The following SIRT6 variants were observed in gnomAD, a reference collection of about 807,000 sequenced individuals.
The protein encoded by SIRT6 is sirtuin 6.
In SIRT6, 21 loss-of-function variants were observed where a neutral mutation model predicts 33.6. The observed-to-expected ratio is 0.62, with a 90% CI of 0.44 to 0.90. The LOEUF (loss-of-function observed/expected upper bound fraction) is 0.90. SIRT6 is among the 40% of genes least tolerant of loss of function. The pLI is 0.00. For missense variants in SIRT6, 504 were observed against 510.6 expected (o/e 0.99, Z 0.12); for synonymous variants, 221 against 223.9 (o/e 0.99, Z 0.12).
At chr19:4,175,583 G>T in intron 6 of SIRT6, 97 bp downstream of exon 6, 1 of 1,252,042 alleles carries the variant, frequency 8.0e-7, no homozygotes, top group Non-Finnish European at 1.1e-6. Context: ...CTCACTGCCT[G>T]TGAGCCTCAG....
At chr19:4,175,539 C>G in intron 6 of SIRT6, 141 bp downstream of exon 6, 1 of 789,790 alleles carries the variant, frequency 1.3e-6, no homozygotes, top group Non-Finnish European at 2.0e-6. Flanking sequence ...GTGTGCAGCC[C>G]CTGGCCTGGC....
intron 1 of SIRT6, among the ~76,000 whole-genome samples, chr19:4,181,654 G>A (rs965501146): frequency 2.0e-5 from 3 of 152,274 alleles, no homozygotes; most frequent in South Asian, 2.1e-4. Context: ...AGGCGTGGTG[G>A]CAGGTGCCTG....
intron 1 of SIRT6, chr19:4,182,261 C>A: frequency 1.9e-6 from 1 of 533,138 alleles, no homozygotes; most frequent in East Asian, 3.4e-5. Context: ...CCCCTCTCTC[C>A]CCGATCAGCC....
At chr19:4,178,249 A>C (rs1269770469) in intron 3 of SIRT6, among the ~76,000 whole-genome samples, 2 of 129,456 alleles carry the variant, frequency 1.5e-5, no homozygotes, top group South Asian at 2.5e-4. Context: ...CTGGTCTCGA[A>C]CTCTTGACCT....
intron 1 of SIRT6, 30 bp from the exon 2 acceptor site, chr19:4,180,939 C>G (rs199802692): frequency 5.1e-6 from 8 of 1,575,998 alleles, no homozygotes; most frequent in South Asian, 1.2e-5. Flanking sequence ...ACGGAGGGGT[C>G]AAAACAGTTC....
At position 4,175,882 on chromosome 19, in the gene SIRT6, G is replaced by T. The variant is rs1378614786; in HGVS notation, c.493C>A (p.Leu165Ile). Residue 165 changes from leucine to isoleucine, a missense_variant, in exon 5 of 8, where the codon CTC (leucine) becomes ATC (isoleucine). By Grantham distance (5) the Leu-to-Ile change is conservative. Coordinates refer to ENST00000337491, the MANE Select transcript of SIRT6 (RefSeq NM_016539.4). ...GTMGLKATGRLCTVAKARGLR... is the reference protein window; with the variant it reads ...GTMGLKATGRICTVAKARGLR... ...CCCCTTGCCTTAGCCACGGTGCAGA[G>T]CCGGCCCGTGGCCTTCAGGCCCATG... The T allele has an allele frequency of 6.4e-7, 1 of 1,567,658 alleles. No individual in the cohort carries two copies. Among genetic ancestry groups the T allele is most frequent in the South Asian group, 1.2e-5 (1 of 85,302 alleles).
Position 4,180,845 on chromosome 19 carries a change from G to C in SIRT6, c.131C>G (p.Ser44Cys). ...ACCCGTGTGGAACACCACACTGGAA[G>C]ACTGCCAGACCAGCCTCGCCAGTTC... The part of the protein sequence containing the change: ...VWELARLVWQ[S>C]SSVVFHTGAG... The change falls in exon 2 of 8, where the codon TCT becomes TGT. Residue 44 changes from serine to cysteine, a missense_variant. Physicochemically the swap from Ser to Cys is moderately radical, Grantham distance 112. Transcript: ENST00000337491. 6.2e-7 allele frequency: 1 copy of C among 1,613,748 alleles called. No homozygotes were observed. The highest frequency in any genetic ancestry group is 1.3e-5 in the African/African-American group (1 of 75,044).
At chr19:4,181,697 C>A (rs1967682115) in intron 1 of SIRT6, among the ~76,000 whole-genome samples, 1 of 152,138 alleles carries the variant, frequency 6.6e-6, no homozygotes, top group East Asian at 1.9e-4. Context: ...GAGGCTGAGG[C>A]AGGAGAATCG....
At chr19:4,180,505 C>T (rs540429435) in intron 2 of SIRT6, 1 of 258,870 alleles carries the variant, frequency 3.9e-6, no homozygotes, top group East Asian at 7.8e-5. Flanking sequence ...CTCAGCCTCC[C>T]GAGTAGCTGG....
rs1221780546 is a variant in SIRT6 at position 4,180,424 on chromosome 19, C to T, written c.194+358G>A. ...TTTTAGACGGAGCCTCACTCTGTCG[C>T]CCAGGCTGGAGTGCAGTGGTGCAAT... On this transcript the variant is annotated intron_variant, in intron 2 of 7. Coordinates refer to ENST00000337491, the MANE Select transcript of SIRT6 (RefSeq NM_016539.4). Among the ~76,000 whole-genome samples the T allele has an allele frequency of 5.3e-5, 8 of 152,242 alleles. No homozygotes were observed. In the East Asian group the frequency reaches 1.5e-3, roughly 29 times the overall value.
rs745356492 is a variant in SIRT6, at chr19:4,174,853, C to A, written c.832G>T (p.Gly278Cys). The change falls in exon 8 of 8, where the codon GGC becomes TGC. Residue 278 changes from glycine (G) to cysteine (C), a missense_variant. By Grantham distance (159) the Gly-to-Cys change is radical (BLOSUM62 -3). Coordinates refer to ENST00000337491, the MANE Select transcript of SIRT6 (RefSeq NM_016539.4). This position sits in a 1 kb window ranked among gnomAD's most constrained non-coding sequence, Gnocchi z 4.2. ...HLGLEIPAWD[G>C]PRVLERALPP... is the part of the protein sequence containing the mutation. ...AGCGCCCTCTCCAGCACACGGGGGC[C>A]GTCCCAGGCGGGGATCTCCAGCCCC... 1 of 1,598,230 alleles carries A rather than the reference C, an allele frequency of 6.3e-7. No homozygotes were observed.
At chr19:4,175,994 C>A in intron 4 of SIRT6, 57 bp from the exon 5 acceptor site, 1 of 1,471,438 alleles carries the variant, frequency 6.8e-7, no homozygotes, top group Non-Finnish European at 9.3e-7. Context: ...GGGTGACTCT[C>A]GCACTGTTTC....
chr19:4,182,028 C>T (rs1967711226), intron 1 of SIRT6, among the ~76,000 whole-genome samples: 1 of 152,078 alleles, frequency 6.6e-6, no homozygotes, highest in Admixed American at 6.6e-5. Context: ...CCTCCACTTC[C>T]CCTCTGAGTG....
chr19:4,175,633 G>A lies in SIRT6; in HGVS notation c.614+47C>T, dbSNP rs73918058. 5,505 of 1,439,852 alleles carry A rather than the reference G, an allele frequency of 3.8e-3. 188 individuals carry two copies. In the African/African-American group the frequency reaches 0.07, roughly 18 times the overall value. 89.2% of individuals were successfully genotyped at this position (1,439,852 alleles called of 1,614,324 possible). On this transcript the variant is annotated intron_variant, in intron 6 of 7. Transcript: ENST00000337491. ...TGGAGCTGGCTGTGTTTCTGCTGTC[G>A]TCCCGCCCCGCCCCACCATGGGCTC...
rs184623202 is a variant in SIRT6, at chr19:4,181,252, C to G, written c.67-343G>C. 2.4e-4 allele frequency among the ~76,000 whole-genome samples: 37 copies of G among 152,288 alleles called. No homozygotes were observed. In the East Asian group the frequency reaches 6.6e-3, roughly 27 times the overall value. On this transcript the variant is annotated intron_variant, in intron 1 of 7. Transcript: ENST00000337491. ...GGCACAGTCCCGCCTCAGGGCCACA[C>G]CCTTTAATGCTCTTCCCCCAGATAC...
intron 2 of SIRT6, 114 bp downstream of exon 2, chr19:4,180,668 C>T: frequency 2.2e-6 from 3 of 1,381,988 alleles, no homozygotes; most frequent in African/African-American, 2.9e-5. Context: ...ACCCAGGACA[C>T]ATCCAGGAGG....
At position 4,180,947 on chromosome 19, in the gene SIRT6, T is replaced by G. The variant is rs113172228; in HGVS notation, c.67-38A>C. The G allele has an allele frequency of 5.6e-4, 881 of 1,564,880 alleles. 6 individuals carry two copies. The African/African-American group carries it at 0.011, about 19-fold the overall frequency. On this transcript the variant is annotated intron_variant, in intron 1 of 7. Transcript: ENST00000337491. ...AGAGCAGACGGAGGGGTCAAAACAG[T>G]TCCCCCAAGTGGCAAGGCCACGCAC...
chr19:4,178,130 G>A (rs1024418438), intron 3 of SIRT6, among the ~76,000 whole-genome samples: 3 of 151,366 alleles, frequency 2.0e-5, no homozygotes, highest in African/African-American at 7.3e-5. Flanking sequence ...GGGTTCAAGC[G>A]ATTCTCCTGA....
chr19:4,175,889 C>A lies in SIRT6; in HGVS notation c.486G>T (p.Thr162=). The change falls in exon 5 of 8, where the codon ACG becomes ACT. Residue 162 remains threonine, a synonymous_variant. Coordinates refer to ENST00000337491, the MANE Select transcript of SIRT6 (RefSeq NM_016539.4). ...CCTTAGCCACGGTGCAGAGCCGGCC[C>A]GTGGCCTTCAGGCCCATGGTGCCCA... ...TVVGTMGLKA[T]GRLCTVAKAR... 1 of 1,568,846 alleles carries A rather than the reference C, an allele frequency of 6.4e-7. No homozygotes were observed. The highest frequency in any genetic ancestry group is 2.3e-5 in the East Asian group (1 of 42,740).
Sources: allele counts gnomAD v4.1 joint callset (sites outside exome capture counted in the v4.1 genomes callset), GRCh38; gene constraint gnomAD v4.1.1; non-coding constraint Gnocchi (gnomAD v3.1); transcripts MANE v1.5; gene names NCBI Gene and HGNC (gene_info 2026-07-23, HGNC 2026-07-21).